Variants in TUBGCP2 observed in about 807,000 individuals in gnomAD.
TUBGCP2 encodes the protein tubulin gamma complex component 2, also known as gamma-tubulin complex component 2.
Under a neutral mutation model 92.2 loss-of-function variants are expected in TUBGCP2, and 55 were observed. That is an observed-to-expected ratio of 0.60 (90% CI 0.48 to 0.75). The LOEUF (loss-of-function observed/expected upper bound fraction) is 0.75. TUBGCP2 is among the 30% of genes least tolerant of loss of function. TUBGCP2 has a pLI of 0.00. For missense variants in TUBGCP2, 1,093 were observed against 1,188.9 expected (o/e 0.92, Z 1.19); for synonymous variants, 533 against 505.2 (o/e 1.06, Z -0.74).
At chr10:133,300,142 T>C (rs1472916963) in intron 2 of TUBGCP2, 29 bp from the exon 3 acceptor site, 2 of 1,603,462 alleles carry the variant, frequency 1.2e-6, no homozygotes, top group Non-Finnish European at 1.7e-6. Flanking sequence ...AGTGATTTAA[T>C]GACGGTAATT....
chr10:133,286,608 C>T (rs1847139725), intron 11 of TUBGCP2, among the ~76,000 whole-genome samples: 1 of 152,134 alleles, frequency 6.6e-6, no homozygotes, highest in South Asian at 2.1e-4. Context: ...GCACATCCTC[C>T]TCCCGCGCGC....
At chr10:133,311,724 C>T (rs756886391), upstream of TUBGCP2, 12 of 1,612,486 alleles carry the variant, frequency 7.4e-6, no homozygotes, top group African/African-American at 1.3e-5. Flanking sequence ...AGCCCAGCCT[C>T]AGCAGAAGCC....
At position 133,285,198 on chromosome 10, in the gene TUBGCP2, G is replaced by T; in HGVS notation, c.1911C>A (p.Arg637=). The change falls in exon 13 of 18, where the codon CGC becomes CGA. Residue 637 remains arginine, a synonymous_variant. Transcript: ENST00000252936. This position sits in a 1 kb window ranked among gnomAD's most constrained non-coding sequence, Gnocchi z 6.8. ...SLIINRKALT[R]YQMLFRHMFY... ...ACATGTGCCTGAAGAGCATCTGGTA[G>T]CGAGTGAGGGCTTTCCTGCAAGAGA... is the stretch of plus-strand genomic sequence containing the variant. 6.2e-7 allele frequency: 1 copy of T among 1,612,780 alleles called. No individual in the cohort carries two copies.
At chr10:133,287,115 A>C (rs1446278411) in intron 11 of TUBGCP2, among the ~76,000 whole-genome samples, 2 of 152,254 alleles carry the variant, frequency 1.3e-5, no homozygotes, top group African/African-American at 4.8e-5. Context: ...AAAAGAAGGG[A>C]TATAACTACT....
At position 133,299,639 on chromosome 10, in the gene TUBGCP2, C is replaced by T. The variant is rs200797464; in HGVS notation, c.280-36G>A. The T allele has an allele frequency of 3.1e-4, 479 of 1,556,092 alleles. No homozygotes were observed. In the African/African-American group the frequency reaches 5.4e-3, roughly 18 times the overall value. The stretch of plus-strand genomic sequence containing the variant: ...GTAAAACTGTGTGTTCACACTGGGC[C>T]AGCACCTCTTTGGCCATAGGGGGAG... On this transcript the variant is annotated intron_variant, in intron 3 of 17. Coordinates refer to ENST00000252936, the MANE Select transcript of TUBGCP2 (RefSeq NM_006659.4).
intron 8 of TUBGCP2, among the ~76,000 whole-genome samples, chr10:133,291,808 GTGTCCCCCA>G (rs1278073916): frequency 4.4e-5 from 2 of 45,578 alleles, no homozygotes; most frequent in Non-Finnish European, 8.5e-5. Context: ...CGCGCCCTCC[GTGTCCCCCA>G]TGTCCCTCCG....
chr10:133,308,006 A>G (rs1462313399), intron 1 of TUBGCP2, among the ~76,000 whole-genome samples: 1 of 152,080 alleles, frequency 6.6e-6, no homozygotes, highest in African/African-American at 2.4e-5. Flanking sequence ...AGCTCTTTGG[A>G]ACGCTGAGGC....
chr10:133,286,709 G>T (rs542627920), intron 11 of TUBGCP2, among the ~76,000 whole-genome samples: 483 of 152,298 alleles, frequency 3.2e-3, no homozygotes, highest in African/African-American at 0.01. Context: ...TCTCTAACAA[G>T]GAGATAAAGT....
intron 4 of TUBGCP2, 85 bp from the exon 5 acceptor site, chr10:133,298,196 T>A (rs1564771655): frequency 7.0e-7 from 1 of 1,431,214 alleles, no homozygotes; most frequent in Non-Finnish European, 9.5e-7. Flanking sequence ...GAAGCTAGCA[T>A]CTACGGCAAA....
chr10:133,298,768 C>G (rs922603422), intron 4 of TUBGCP2, among the ~76,000 whole-genome samples: 2 of 152,338 alleles, frequency 1.3e-5, no homozygotes, highest in East Asian at 3.9e-4. Flanking sequence ...CTGAGGGAGA[C>G]GTGGACAGAG....
At chr10:133,309,772 G>T (rs777946333), upstream of TUBGCP2, 3 of 1,612,502 alleles carry the variant, frequency 1.9e-6, no homozygotes, top group East Asian at 6.7e-5. Context: ...CGTCTCCTTG[G>T]CAGGGTGCCC....
At chr10:133,304,101 G>A (rs1333810808) in intron 1 of TUBGCP2, among the ~76,000 whole-genome samples, 4 of 152,236 alleles carry the variant, frequency 2.6e-5, no homozygotes, top group Non-Finnish European at 4.4e-5. Context: ...GGGAGGCTGA[G>A]TCAGGTGAGT....
chr10:133,297,862 A>T, intron 5 of TUBGCP2, 90 bp downstream of exon 5: 1 of 1,556,266 alleles, frequency 6.4e-7, no homozygotes, highest in African/African-American at 1.4e-5. Context: ...AGAGGCCAGA[A>T]ATAAACACAT....
At chr10:133,282,572 G>T (rs1364130450) in intron 15 of TUBGCP2, among the ~76,000 whole-genome samples, 1 of 152,078 alleles carries the variant, frequency 6.6e-6, no homozygotes, top group Non-Finnish European at 1.5e-5. Context: ...AGTTATTTTG[G>T]TGTTTCCCTA....
rs758498831 is a variant in TUBGCP2, at chr10:133,281,407, C to T, written c.2439G>A (p.Gln813=). The change falls in exon 17 of 18, where the codon CAG becomes CAA. Residue 813 remains glutamine, a synonymous_variant. Transcript: ENST00000252936. ...KHLAEHADTV[Q]LVSGFEATIN... is the part of the protein sequence containing the mutation. Reference sequence around the variant, plus strand: ...TGGTGGCCTCGAAGCCGGACACCAGCTGCACAGTGTCTGCGTGCTCAGCCA... The same window carrying T: ...TGGTGGCCTCGAAGCCGGACACCAGTTGCACAGTGTCTGCGTGCTCAGCCA... 1 of 1,613,472 alleles carries T rather than the reference C, an allele frequency of 6.2e-7. No homozygotes were observed.
intron 10 of TUBGCP2, 126 bp from the exon 11 acceptor site, chr10:133,288,435 C>A (rs1421590014): frequency 1.6e-6 from 2 of 1,220,234 alleles, no homozygotes; most frequent in African/African-American, 3.1e-5. Context: ...TGAGCACGTG[C>A]CCACCCGCAG....
At chr10:133,283,764 T>G in intron 14 of TUBGCP2, 118 bp downstream of exon 14, 1 of 1,347,404 alleles carries the variant, frequency 7.4e-7, no homozygotes, top group Non-Finnish European at 1.0e-6. Context: ...TCTCCCTGCA[T>G]TCCCTGCCTC....
upstream of TUBGCP2, chr10:133,312,008 G>C (rs752011550): frequency 6.8e-5 from 108 of 1,587,268 alleles, no homozygotes; most frequent in Non-Finnish European, 6.2e-5. Flanking sequence ...CTCAGGTCCT[G>C]TGAATAACTT....
In TUBGCP2 at chr10:133,278,832, T is replaced by A. The variant is rs1221539839; in HGVS notation, c.*934A>T. 1.3e-5 allele frequency: 2 copies of A among 152,268 alleles called. No individual in the cohort carries two copies. Among genetic ancestry groups the A allele is most frequent in the Non-Finnish European group, 2.9e-5 (2 of 68,092 alleles). 9.4% of individuals were successfully genotyped at this position (152,268 alleles called of 1,614,324 possible). A position where few individuals can be genotyped will look rare whatever the true frequency, so the allele number is the denominator to read the frequency against. ...AGCTATCCTTTCTCCCAACCTCGCC[T>A]CCAGGGCCCTTCCTCACTGCCCAAG... On this transcript the variant is annotated 3_prime_UTR_variant, in exon 18 of 18. Transcript: ENST00000252936.
Sources: gnomAD v4.1 joint callset for allele counts (sites outside exome capture counted in the v4.1 genomes callset) on GRCh38, gnomAD v4.1.1 for gene constraint, Gnocchi (gnomAD v3.1) non-coding constraint, MANE v1.5 for transcripts, NCBI Gene and HGNC (gene_info 2026-07-23, HGNC 2026-07-21) for gene names.